Variants in SDK1 observed in about 807,000 individuals in gnomAD.
SDK1 encodes sidekick cell adhesion molecule 1.
Under a neutral mutation model 245.5 loss-of-function variants are expected in SDK1, and 157 were observed. The observed-to-expected ratio is 0.64, with a 90% confidence interval of 0.56 to 0.73. The LOEUF (loss-of-function observed/expected upper bound fraction) is 0.73, where lower values mean the gene tolerates loss of function less well. Ranked by LOEUF, SDK1 falls within the 30% of genes least tolerant of loss-of-function variation. The pLI is 0.00. For synonymous variants in SDK1, 1,647 were observed against 1,278.5 expected, an observed-to-expected ratio of 1.29 and a Z score of -6.15; for missense variants, 3,583 against 3,002.3, an observed-to-expected ratio of 1.19 and a Z score of -4.52.
rs1489695212 is a variant in SDK1, at chr7:4,264,939, C to T, written c.6382-185C>T. On this transcript the variant is annotated intron_variant, in intron 44 of 44. Transcript: ENST00000404826. ...TCACACCTGGATCAGGGAGGGGGAC[C>T]TGGGGGCTGCCTGCTCTCCTGTGTG... 3.7e-5 allele frequency among the ~76,000 whole-genome samples: 5 copies of T among 133,998 alleles called. No homozygotes were observed. In the East Asian group the frequency reaches 1.1e-3, roughly 29 times the overall value. The allele number at this position is 133,998 out of a possible 152,430, so 87.9% of individuals were successfully genotyped here. A position where few individuals can be genotyped will look rare whatever the true frequency, so the allele number is the denominator to read the frequency against.
At chr7:3,435,413 C>G (rs1054164905) in intron 1 of SDK1, among the ~76,000 whole-genome samples, 1 of 146,990 alleles carries the variant, frequency 6.8e-6, no homozygotes, top group East Asian at 2.0e-4. Flanking sequence ...TCACTGCAAC[C>G]TCTGCCTCCC....
intron 1 of SDK1, among the ~76,000 whole-genome samples, chr7:3,580,984 A>AAACAAAAAAAAC (rs1562578302): frequency 5.7e-5 from 8 of 139,392 alleles, no homozygotes; most frequent in Admixed American, 3.0e-4. Context: ...AAAAAAAAAA[A>AAACAAAAAAAAC]AAAAAAAAAA....
intron 1 of SDK1, among the ~76,000 whole-genome samples, chr7:3,579,195 T>G (rs2614970): frequency 0.2 from 30,471 of 151,260 alleles, 3,969 homozygotes; most frequent in South Asian, 0.3. Flanking sequence ...TAAGGCAGCA[T>G]CATCCTGATA....
chr7:3,755,471 C>T (rs971736898), intron 4 of SDK1, among the ~76,000 whole-genome samples: 1 of 152,116 alleles, frequency 6.6e-6, no homozygotes, highest in Non-Finnish European at 1.5e-5. Context: ...ATTTGCCTGG[C>T]AGTGTATGAA....
chr7:3,805,667 C>G (rs62437947), intron 4 of SDK1, among the ~76,000 whole-genome samples: 24,879 of 152,000 alleles, frequency 0.16, 2,218 homozygotes, highest in Middle Eastern at 0.31. Context: ...AGTAAGTGCT[C>G]AATAATTGTT....
intron 4 of SDK1, among the ~76,000 whole-genome samples, chr7:3,714,754 A>G (rs1304263313): frequency 2.0e-5 from 3 of 152,220 alleles, no homozygotes; most frequent in African/African-American, 7.2e-5. Flanking sequence ...TTGAGTGTCA[A>G]GTATCTGGGA....
At chr7:3,707,779 C>T (rs761129786) in intron 4 of SDK1, among the ~76,000 whole-genome samples, 3 of 152,164 alleles carry the variant, frequency 2.0e-5, no homozygotes, top group Non-Finnish European at 4.4e-5. Flanking sequence ...TTGTTGGATT[C>T]ATCCTCTTAT....
chr7:3,885,547 G>T (rs184781201), intron 5 of SDK1, among the ~76,000 whole-genome samples: 1 of 152,174 alleles, frequency 6.6e-6, no homozygotes, highest in Non-Finnish European at 1.5e-5. Context: ...TAGCACCTCA[G>T]GCCTGTACCA....
intron 2 of SDK1, among the ~76,000 whole-genome samples, chr7:3,632,489 T>C (rs530447649): frequency 8.5e-5 from 13 of 152,292 alleles, no homozygotes; most frequent in Non-Finnish European, 1.5e-4. Flanking sequence ...ATCTAATTGA[T>C]ACCAGGAGAG....
chr7:4,127,404 G>A lies in SDK1; in HGVS notation c.3847G>A (p.Val1283Met), dbSNP rs779685651. The A allele has an allele frequency of 1.9e-6, 3 of 1,614,018 alleles. No individual in the cohort carries two copies. Among genetic ancestry groups the A allele is most frequent in the African/African-American group, 1.3e-5 (1 of 74,924 alleles). ...AGTTCCTTCAGCCGCCCCTGAGAAC[G>A]TGTCAGCCGAGGCTGTCAGCTCGAC... ...ESVPSAAPEN[V>M]SAEAVSSTQI... The change falls in exon 26 of 45, where the codon GTG becomes ATG. Residue 1283 changes from valine (V) to methionine (M), a missense_variant. By Grantham distance (21) the Val-to-Met change is conservative. Coordinates refer to ENST00000404826, the MANE Select transcript of SDK1 (RefSeq NM_152744.4).
chr7:3,610,339 A>T (rs2128641860), intron 1 of SDK1, among the ~76,000 whole-genome samples: 2 of 152,332 alleles, frequency 1.3e-5, no homozygotes, highest in East Asian at 3.9e-4. Context: ...TCTTAAGATT[A>T]TTCGAAAGAA....
Position 3,723,941 on chromosome 7 carries a change from T to TAG in SDK1, c.713+81837_713+81838insGA, listed in dbSNP as rs1232137046. ...ATATACACGTATATATATATATATA[T>TAG]ATAGAGAGAGAGAGAGAGAGAGAGA... On this transcript the variant is annotated intron_variant, in intron 4 of 44. Coordinates refer to ENST00000404826, the MANE Select transcript of SDK1 (RefSeq NM_152744.4). Among the ~76,000 whole-genome samples the TAG allele has an allele frequency of 1.0e-3, 114 of 111,352 alleles. 2 individuals carry two copies. The highest frequency in any genetic ancestry group is 6.1e-3 in the Middle Eastern group (1 of 164). 73.1% of individuals were successfully genotyped at this position (111,352 alleles called of 152,430 possible). A position where few individuals can be genotyped will look rare whatever the true frequency, so the allele number is the denominator to read the frequency against.
chr7:4,268,218 C>T lies in SDK1; in HGVS notation c.*2834C>T, dbSNP rs1441563083. The T allele has an allele frequency of 4.0e-6, 4 of 989,300 alleles. No individual in the cohort carries two copies. The South Asian group carries it at 1.4e-4, about 34-fold the overall frequency. 61.3% of individuals were successfully genotyped at this position (989,300 alleles called of 1,614,324 possible). On this transcript the variant is annotated 3_prime_UTR_variant, in exon 45 of 45. Transcript: ENST00000404826. ...TCATTTCAGATTGCTTCGGCCCCAC[C>T]CTGCAAGGATGTGGTCACGGAGTGG... is the stretch of plus-strand genomic sequence containing the variant.
chr7:3,318,748 A>G (rs1231892575), intron 1 of SDK1, among the ~76,000 whole-genome samples: 1 of 152,128 alleles, frequency 6.6e-6, no homozygotes, highest in East Asian at 1.9e-4. Flanking sequence ...AGCCCTTGCC[A>G]TTGCATTAGG....
chr7:3,748,603 A>T (rs1381432351), intron 4 of SDK1, among the ~76,000 whole-genome samples: 1 of 152,196 alleles, frequency 6.6e-6, no homozygotes, highest in Non-Finnish European at 1.5e-5. Context: ...AACTGAAACC[A>T]GCTGGCCTTG....
chr7:3,774,668 T>A (rs542657918), intron 4 of SDK1, among the ~76,000 whole-genome samples: 2 of 152,328 alleles, frequency 1.3e-5, no homozygotes, highest in African/African-American at 4.8e-5. Context: ...AGACTCCTGG[T>A]TCTCTCTCCT....
At chr7:4,074,916 A>ATTTTTTTTTTTTTTT (rs55899344) in intron 20 of SDK1, among the ~76,000 whole-genome samples, 1 of 64,628 alleles carries the variant, frequency 1.5e-5, no homozygotes, top group African/African-American at 1.2e-4. Flanking sequence ...ATATATATAT[A>ATTTTTTTTTTTTTTT]TTTTTTTTTT....
chr7:4,004,412 C>G (rs914673881), intron 14 of SDK1, among the ~76,000 whole-genome samples: 39 of 152,144 alleles, frequency 2.6e-4, no homozygotes, highest in Non-Finnish European at 5.3e-4. Flanking sequence ...CCTGGGGGAA[C>G]TATCCTTATT....
intron 1 of SDK1, among the ~76,000 whole-genome samples, chr7:3,311,731 C>G (rs1182601076): frequency 2.0e-5 from 3 of 152,198 alleles, no homozygotes; most frequent in African/African-American, 4.8e-5. Context: ...CTTCACCACC[C>G]TGCTATAAAC....
Sources: gnomAD v4.1 joint callset for allele counts (sites outside exome capture counted in the v4.1 genomes callset) on GRCh38, gnomAD v4.1.1 for gene constraint, MANE v1.5 for transcripts, NCBI Gene and HGNC (gene_info 2026-07-23, HGNC 2026-07-21) for gene names.